Variants in KCNMA1 observed in about 807,000 individuals in gnomAD.
KCNMA1 encodes the protein Calcium-activated potassium channel subunit alpha-1.
A neutral mutation model predicts 140.0 loss-of-function variants in KCNMA1; 29 were observed. That is an observed-to-expected ratio of 0.21 (90% CI 0.15 to 0.28). The LOEUF (loss-of-function observed/expected upper bound fraction) is 0.28, where lower values mean the gene tolerates loss of function less well. KCNMA1 is among the 10% of genes least tolerant of loss of function. The pLI is 1.00. For synonymous variants in KCNMA1, 612 were observed against 611.9 expected (o/e 1.00, Z 0.00); for missense variants, 880 against 1,602.2 (o/e 0.55, Z 7.70).
chr10:77,287,634 T>C (rs2154304495), intron 2 of KCNMA1, among the ~76,000 whole-genome samples: 1 of 152,292 alleles, frequency 6.6e-6, no homozygotes, highest in East Asian at 1.9e-4. Flanking sequence ...ATTCATTTTT[T>C]AGATGGGAGT....
At chr10:77,618,182 T>G (rs2673488) in intron 1 of KCNMA1, among the ~76,000 whole-genome samples, 24 of 151,946 alleles carry the variant, frequency 1.6e-4, no homozygotes, top group Non-Finnish European at 8.8e-5. Flanking sequence ...AGCCGGGGTC[T>G]TTAATGACTG....
intron 14 of KCNMA1, among the ~76,000 whole-genome samples, chr10:77,061,363 C>T (rs1404998388): frequency 1.3e-5 from 2 of 152,150 alleles, no homozygotes; most frequent in Non-Finnish European, 2.9e-5. Flanking sequence ...GGACCCAGCA[C>T]TTCACCAAAA....
chr10:77,551,493 T>C (rs2062829580), intron 1 of KCNMA1, among the ~76,000 whole-genome samples: 1 of 152,212 alleles, frequency 6.6e-6, no homozygotes, highest in African/African-American at 2.4e-5. Flanking sequence ...AGAAACAGAC[T>C]GGATCCCAAA....
At chr10:77,391,650 T>TTTC (rs2095829998) in intron 2 of KCNMA1, among the ~76,000 whole-genome samples, 1 of 151,602 alleles carries the variant, frequency 6.6e-6, no homozygotes, top group Non-Finnish European at 1.5e-5. Context: ...GTTTGTTTTT[T>TTTC]TCTGGAAAAA....
intron 1 of KCNMA1, among the ~76,000 whole-genome samples, chr10:77,546,845 G>A (rs1345010492): frequency 1.3e-5 from 2 of 152,150 alleles, no homozygotes; most frequent in African/African-American, 2.4e-5. Flanking sequence ...TCCCTTCTAG[G>A]CTACCTACTA....
chr10:77,607,710 C>T (rs2085052660), intron 1 of KCNMA1, among the ~76,000 whole-genome samples: 1 of 152,178 alleles, frequency 6.6e-6, no homozygotes, highest in Admixed American at 6.5e-5. Flanking sequence ...CGACTTGCCC[C>T]TCAGAGCCTC....
intron 14 of KCNMA1, among the ~76,000 whole-genome samples, chr10:77,054,456 T>G (rs974166990): frequency 1.3e-5 from 2 of 152,084 alleles, no homozygotes; most frequent in African/African-American, 4.8e-5. Context: ...AAAGAGCTTC[T>G]GCACACCAGC....
intron 14 of KCNMA1, among the ~76,000 whole-genome samples, chr10:77,052,287 G>A (rs1185814347): frequency 6.6e-6 from 1 of 152,124 alleles, no homozygotes; most frequent in East Asian, 1.9e-4. Flanking sequence ...CGGCCAGTAA[G>A]TTAACTCTGG....
chr10:77,621,175 T>G (rs2091255677), intron 1 of KCNMA1, among the ~76,000 whole-genome samples: 1 of 152,172 alleles, frequency 6.6e-6, no homozygotes, highest in African/African-American at 2.4e-5. Context: ...GCACAAGGAA[T>G]TGATCTTTCT....
intron 5 of KCNMA1, among the ~76,000 whole-genome samples, chr10:77,182,589 T>C (rs72805568): frequency 0.25 from 38,426 of 152,130 alleles, 5,098 homozygotes; most frequent in Middle Eastern, 0.31. Context: ...TTGATTACAA[T>C]GCATGCATAT....
At position 77,060,558 on chromosome 10, in the gene KCNMA1, C is replaced by T. The variant is rs374787153; in HGVS notation, c.1749+12539G>A. Among the ~76,000 whole-genome samples, 144 of 152,280 alleles carry T rather than the reference C, an allele frequency of 9.5e-4. 2 individuals are homozygous for T. In the South Asian group the frequency reaches 0.029, roughly 30 times the overall value. ...AGGATTGATCACACCCAAAGTCTCA[C>T]CCATAACTGATTAGATGATGACATT... is the stretch of plus-strand genomic sequence containing the variant. On this transcript the variant is annotated intron_variant, in intron 14 of 27. Transcript: ENST00000286628.
intron 13 of KCNMA1, among the ~76,000 whole-genome samples, 193 bp downstream of exon 13, chr10:77,079,287 AG>A (rs1341064173): frequency 6.6e-6 from 1 of 152,092 alleles, no homozygotes; most frequent in African/African-American, 2.4e-5. Flanking sequence ...AAAGAAAGAA[AG>A]AAAGAAATGT....
intron 3 of KCNMA1, among the ~76,000 whole-genome samples, chr10:77,221,638 C>A (rs1165130754): frequency 6.6e-6 from 1 of 152,122 alleles, no homozygotes; most frequent in Non-Finnish European, 1.5e-5. Flanking sequence ...CAAAACAGGT[C>A]ATGTATGCCA....
intron 5 of KCNMA1, among the ~76,000 whole-genome samples, chr10:77,153,023 G>A (rs112423054): frequency 0.011 from 1,624 of 152,268 alleles, 32 homozygotes; most frequent in African/African-American, 0.037. Context: ...AGTCTCAAGG[G>A]CATCTTGAGA....
chr10:77,011,925 G>T (rs1421802465), intron 18 of KCNMA1, 42 bp downstream of exon 18: 1 of 1,532,938 alleles, frequency 6.5e-7, no homozygotes, highest in Admixed American at 1.7e-5. Context: ...TTGGGGAATA[G>T]GAATGAGAAA....
At chr10:77,017,628 A>G (rs1301228636) in intron 17 of KCNMA1, among the ~76,000 whole-genome samples, 2 of 152,212 alleles carry the variant, frequency 1.3e-5, no homozygotes, top group Non-Finnish European at 2.9e-5. Context: ...TTCTGTAGCC[A>G]GTATGGCTTA....
intron 25 of KCNMA1, among the ~76,000 whole-genome samples, chr10:76,905,343 T>A (rs933540770): frequency 6.6e-6 from 1 of 152,224 alleles, no homozygotes; most frequent in Non-Finnish European, 1.5e-5. Flanking sequence ...ATGAGCTCAC[T>A]GTCCTAGCCA....
chr10:77,191,207 C>T (rs929071604), intron 3 of KCNMA1, among the ~76,000 whole-genome samples: 1 of 152,052 alleles, frequency 6.6e-6, no homozygotes. Flanking sequence ...TAAAAGGAGG[C>T]AAGTCTTTGC....
chr10:77,461,901 T>C (rs1264270783), intron 1 of KCNMA1, among the ~76,000 whole-genome samples: 1 of 152,112 alleles, frequency 6.6e-6, no homozygotes, highest in Non-Finnish European at 1.5e-5. Flanking sequence ...AAAGGCAAAT[T>C]CCAGAGCAGC....
Sources: gnomAD v4.1 joint callset for allele counts (sites outside exome capture counted in the v4.1 genomes callset) on GRCh38, gnomAD v4.1.1 for gene constraint, MANE v1.5 for transcripts, NCBI Gene and HGNC (gene_info 2026-07-23, HGNC 2026-07-21) for gene names.